DPP10: variants seen among roughly 807,000 people sequenced by gnomAD.
The protein encoded by DPP10 is inactive dipeptidyl peptidase 10.
In DPP10, 33 loss-of-function variants were observed where a neutral mutation model predicts 120.9. The ratio of observed to expected loss-of-function variants is 0.27; its 90% confidence interval spans 0.21 to 0.37. The LOEUF (loss-of-function observed/expected upper bound fraction) is 0.37, where lower values mean the gene tolerates loss of function less well. Ranked by LOEUF, DPP10 falls within the 10% of genes least tolerant of loss-of-function variation. The pLI, the probability that DPP10 is intolerant of heterozygous loss-of-function variation, is 1.00. For missense variants in DPP10, 816 were observed against 942.8 expected (o/e 0.87, Z 1.76); for synonymous variants, 337 against 326.1 (o/e 1.03, Z -0.36).
At chr2:114,566,450 T>A (rs1689209623) in intron 1 of DPP10, among the ~76,000 whole-genome samples, 1 of 152,236 alleles carries the variant, frequency 6.6e-6, no homozygotes, top group South Asian at 2.1e-4. Flanking sequence ...CGACATCTTC[T>A]TTTCATTAGC....
intron 1 of DPP10, among the ~76,000 whole-genome samples, chr2:114,898,300 A>G (rs993177649): frequency 6.6e-6 from 1 of 151,338 alleles, no homozygotes; most frequent in African/African-American, 2.4e-5. Flanking sequence ...TTGAACAATG[A>G]GAACACATGG....
At chr2:115,047,858 C>G (rs1001845928) in intron 1 of DPP10, among the ~76,000 whole-genome samples, 1 of 152,040 alleles carries the variant, frequency 6.6e-6, no homozygotes, top group Non-Finnish European at 1.5e-5. Flanking sequence ...CTGCTTTTCA[C>G]CTGCTTATCT....
At chr2:114,950,169 TCAGA>T (rs1200664644) in intron 1 of DPP10, among the ~76,000 whole-genome samples, 2 of 152,158 alleles carry the variant, frequency 1.3e-5, no homozygotes, top group Non-Finnish European at 1.5e-5. Flanking sequence ...TTGTCTAAAC[TCAGA>T]CAATGTATTT....
intron 21 of DPP10, among the ~76,000 whole-genome samples, chr2:115,816,810 G>A (rs1163196779): frequency 6.7e-6 from 1 of 150,012 alleles, no homozygotes; most frequent in Non-Finnish European, 1.5e-5. Flanking sequence ...TAGAGACGGG[G>A]TTTCACCATG....
intron 1 of DPP10, among the ~76,000 whole-genome samples, chr2:114,702,642 G>A (rs552543592): frequency 2.6e-5 from 4 of 152,166 alleles, no homozygotes; most frequent in African/African-American, 4.8e-5. Flanking sequence ...ATTCCTCACT[G>A]CACCTATGGC....
intron 1 of DPP10, among the ~76,000 whole-genome samples, chr2:114,893,470 G>A (rs1692708819): frequency 6.6e-6 from 1 of 152,020 alleles, no homozygotes. Context: ...ATTGGGGGGT[G>A]GATGGGGGAA....
At chr2:114,595,322 C>G (rs533523351) in intron 1 of DPP10, among the ~76,000 whole-genome samples, 8 of 152,056 alleles carry the variant, frequency 5.3e-5, no homozygotes, top group African/African-American at 1.9e-4. Flanking sequence ...CATCGCCTAC[C>G]CACCACCCCA....
At chr2:115,462,249 G>T (rs1275849167) in intron 3 of DPP10, among the ~76,000 whole-genome samples, 1 of 152,052 alleles carries the variant, frequency 6.6e-6, no homozygotes, top group East Asian at 1.9e-4. Context: ...CTGTATTCCA[G>T]TCCCATCAGT....
rs189978433 is a variant in DPP10, at chr2:114,799,769, T to C, written c.60+356931T>C. ...TGTCCCCTGAGAAATACCTAAGAAG[T>C]AGCTTTAAAATAAATTGGAAAGCGA... On this transcript the variant is annotated intron_variant, in intron 1 of 25. Transcript: ENST00000410059. Among the ~76,000 whole-genome samples the C allele has an allele frequency of 3.3e-5, 5 of 152,246 alleles. No homozygotes were observed. The East Asian group carries it at 9.7e-4, about 29-fold the overall frequency.
intron 1 of DPP10, among the ~76,000 whole-genome samples, chr2:114,955,084 A>T (rs1450259046): frequency 2.0e-5 from 3 of 152,232 alleles, no homozygotes; most frequent in African/African-American, 7.2e-5. Flanking sequence ...TAAGAAAGTA[A>T]AGGAATAACA....
intron 1 of DPP10, among the ~76,000 whole-genome samples, chr2:114,760,512 T>C (rs879541066): frequency 3.3e-5 from 5 of 151,506 alleles, no homozygotes; most frequent in Non-Finnish European, 7.4e-5. Flanking sequence ...TTTCCTCAAT[T>C]CCTTACTGTT....
chr2:114,942,444 C>T (rs1197678336), intron 1 of DPP10, among the ~76,000 whole-genome samples: 1 of 141,494 alleles, frequency 7.1e-6, no homozygotes, highest in Non-Finnish European at 1.5e-5. Flanking sequence ...ATCTGTATCC[C>T]ATCATTAAAT....
At chr2:114,709,697 T>C (rs1431572056) in intron 1 of DPP10, among the ~76,000 whole-genome samples, 2 of 152,210 alleles carry the variant, frequency 1.3e-5, no homozygotes, top group African/African-American at 4.8e-5. Context: ...GGGATGGAGC[T>C]GATTGATAAA....
At chr2:114,619,432 G>A (rs1573807101) in intron 1 of DPP10, among the ~76,000 whole-genome samples, 1 of 151,526 alleles carries the variant, frequency 6.6e-6, no homozygotes. Flanking sequence ...TATAGTGAGA[G>A]AGCCAGGTGA....
At chr2:115,332,271 T>A (rs1045142790) in intron 2 of DPP10, among the ~76,000 whole-genome samples, 23 of 152,286 alleles carry the variant, frequency 1.5e-4, no homozygotes, top group African/African-American at 5.3e-4. Context: ...AGTGGTAATA[T>A]CCCCTTTATC....
intron 1 of DPP10, among the ~76,000 whole-genome samples, chr2:115,060,084 C>G (rs1047782792): frequency 6.6e-6 from 1 of 151,876 alleles, no homozygotes; most frequent in Admixed American, 6.6e-5. Flanking sequence ...TACACGAAGG[C>G]AGAAAGCATC....
At chr2:115,640,649 G>T (rs572084463) in intron 5 of DPP10, among the ~76,000 whole-genome samples, 1 of 152,222 alleles carries the variant, frequency 6.6e-6, no homozygotes, top group Admixed American at 6.5e-5. Context: ...GAATCAGATC[G>T]CAGCTGTAAA....
intron 3 of DPP10, among the ~76,000 whole-genome samples, chr2:115,489,568 G>GGTTA (rs2075987628): frequency 6.7e-6 from 1 of 149,550 alleles, no homozygotes; most frequent in Admixed American, 6.7e-5. Flanking sequence ...GCAAGGCAAA[G>GGTTA]GTTAAGTCCC....
At chr2:114,817,029 T>C (rs1174236845) in intron 1 of DPP10, among the ~76,000 whole-genome samples, 1 of 152,180 alleles carries the variant, frequency 6.6e-6, no homozygotes, top group Non-Finnish European at 1.5e-5. Flanking sequence ...AAATCAAAGG[T>C]ATAAATAACC....
Sources: allele counts gnomAD v4.1 joint callset (sites outside exome capture counted in the v4.1 genomes callset), GRCh38; gene constraint gnomAD v4.1.1; transcripts MANE v1.5; gene names NCBI Gene and HGNC (gene_info 2026-07-23, HGNC 2026-07-21).